Variants in SDK1 observed in about 807,000 individuals in gnomAD.
SDK1 encodes sidekick cell adhesion molecule 1.
SDK1 carries 157 observed loss-of-function variants against 245.5 expected under a neutral mutation model. That is an observed-to-expected ratio of 0.64 (90% CI 0.56 to 0.73). The LOEUF (loss-of-function observed/expected upper bound fraction) is 0.73. SDK1 is among the 30% of genes least tolerant of loss of function. The probability of loss-of-function intolerance (pLI) is 0.00; values close to 1 mark genes in which losing one functional copy is unlikely to be tolerated. For missense variants in SDK1, 3,583 were observed against 3,002.3 expected (o/e 1.19, Z -4.52); for synonymous variants, 1,647 against 1,278.5 (o/e 1.29, Z -6.15).
At chr7:3,488,897 C>A (rs1437730925) in intron 1 of SDK1, among the ~76,000 whole-genome samples, 1 of 141,938 alleles carries the variant, frequency 7.0e-6, no homozygotes, top group East Asian at 2.2e-4. Context: ...CCCTTCATTC[C>A]TCCCTCCGTG....
At chr7:4,213,499 G>T (rs1394411478) in intron 38 of SDK1, among the ~76,000 whole-genome samples, 1 of 151,912 alleles carries the variant, frequency 6.6e-6, no homozygotes, top group Non-Finnish European at 1.5e-5. Flanking sequence ...GCAGGAGAAT[G>T]GGTTGAACCC....
At chr7:3,455,285 T>A (rs1243180865) in intron 1 of SDK1, among the ~76,000 whole-genome samples, 1 of 152,032 alleles carries the variant, frequency 6.6e-6, no homozygotes, top group Non-Finnish European at 1.5e-5. Context: ...AATTTTAAAT[T>A]TTGATAGATC....
chr7:4,208,278 C>G lies in SDK1; in HGVS notation c.5394C>G (p.His1798Gln). Reference sequence around the variant, plus strand: ...GTGACCCCCAGCAGGGGCGCACCCACCAGGCCGGTAGGAGGAAGGCGGGTT... The same window carrying G: ...GTGACCCCCAGCAGGGGCGCACCCAGCAGGCCGGTAGGAGGAAGGCGGGTT... ...PKSDPQQGRT[H>Q]QAAPGAPSFL... Residue 1798 changes from histidine to glutamine, a missense_variant, in exon 37 of 45, where the codon CAC becomes CAG. Transcript: ENST00000404826. 6.2e-7 allele frequency: 1 copy of G among 1,612,644 alleles called. No homozygotes were observed. Among genetic ancestry groups the G allele is most frequent in the Non-Finnish European group, 8.5e-7 (1 of 1,179,632 alleles).
At chr7:3,622,778 G>T (rs896597746) in intron 2 of SDK1, among the ~76,000 whole-genome samples, 2 of 152,182 alleles carry the variant, frequency 1.3e-5, no homozygotes, top group Non-Finnish European at 2.9e-5. Flanking sequence ...CATGGGAAAC[G>T]TAAGGAGGAA....
intron 4 of SDK1, among the ~76,000 whole-genome samples, chr7:3,782,667 A>G (rs952166063): frequency 2.0e-5 from 3 of 152,244 alleles, no homozygotes; most frequent in Non-Finnish European, 4.4e-5. Flanking sequence ...GGTATATTCA[A>G]AGTGCTGAAT....
intron 17 of SDK1, among the ~76,000 whole-genome samples, chr7:4,020,115 G>A (rs548439780): frequency 6.6e-6 from 1 of 152,166 alleles, no homozygotes; most frequent in Non-Finnish European, 1.5e-5. Flanking sequence ...TGACAGTCTC[G>A]GAGACGCCGG....
In SDK1 at chr7:4,067,064, T is replaced by G. The variant is rs191010434; in HGVS notation, c.2912-774T>G. 2.5e-3 allele frequency among the ~76,000 whole-genome samples: 377 copies of G among 152,296 alleles called. 3 individuals are homozygous for G. The highest frequency in any genetic ancestry group is 4.2e-3 in the Non-Finnish European group (286 of 68,006). On this transcript the variant is annotated intron_variant, in intron 19 of 44. Transcript: ENST00000404826. ...ATGGTGCCCGGGACATCCTCGTGTT[T>G]TCATGTTTTATTACAATTTATTCTT... is the stretch of plus-strand genomic sequence containing the variant.
intron 4 of SDK1, among the ~76,000 whole-genome samples, chr7:3,685,524 G>A (rs1360282483): frequency 6.6e-6 from 1 of 152,062 alleles, no homozygotes; most frequent in African/African-American, 2.4e-5. Flanking sequence ...AAAGAATGTT[G>A]GAGCGCAGAA....
intron 5 of SDK1, among the ~76,000 whole-genome samples, chr7:3,934,936 A>G (rs765194711): frequency 6.6e-6 from 1 of 152,180 alleles, no homozygotes; most frequent in African/African-American, 2.4e-5. Context: ...CCCCAGGGAG[A>G]CTGTGCAAAG....
Position 3,821,571 on chromosome 7 carries a change from T to C in SDK1, c.835T>C (p.Leu279=). Residue 279 remains leucine, a synonymous_variant, in exon 5 of 45, where the codon TTG becomes CTG. Coordinates refer to ENST00000404826, the MANE Select transcript of SDK1 (RefSeq NM_152744.4). ...GENKTSPFIH[L]SIARDVGTPE... ...AAACAAGACAAGCCCATTCATTCAT[T>C]TGAGCATAGCAAGTGAGTTTTGAAA... 2 of 1,613,522 alleles carry C rather than the reference T, an allele frequency of 1.2e-6. No homozygotes were observed. The highest frequency in any genetic ancestry group is 1.7e-6 in the Non-Finnish European group (2 of 1,179,778).
At chr7:3,483,007 C>T (rs750748588) in intron 1 of SDK1, among the ~76,000 whole-genome samples, 7 of 151,422 alleles carry the variant, frequency 4.6e-5, no homozygotes, top group Middle Eastern at 3.2e-3. Context: ...GTTAAAATCA[C>T]ACCAGTTTAA....
At chr7:3,454,921 G>A (rs1455252697) in intron 1 of SDK1, among the ~76,000 whole-genome samples, 1 of 152,184 alleles carries the variant, frequency 6.6e-6, no homozygotes, top group Non-Finnish European at 1.5e-5. Context: ...ATTTTCCAGA[G>A]TGACTGTACC....
intron 5 of SDK1, among the ~76,000 whole-genome samples, chr7:3,867,054 G>T (rs146627314): frequency 6.6e-6 from 1 of 152,176 alleles, no homozygotes; most frequent in Non-Finnish European, 1.5e-5. Flanking sequence ...ATGAGTGGGC[G>T]CAGGCCTTCA....
intron 4 of SDK1, among the ~76,000 whole-genome samples, chr7:3,695,681 A>T (rs1222628463): frequency 4.6e-5 from 7 of 152,204 alleles, no homozygotes; most frequent in Non-Finnish European, 1.0e-4. Context: ...TTTCAACTCA[A>T]CACAGTTAAT....
chr7:3,462,631 T>C (rs1780868652), intron 1 of SDK1, among the ~76,000 whole-genome samples: 1 of 152,156 alleles, frequency 6.6e-6, no homozygotes, highest in Non-Finnish European at 1.5e-5. Flanking sequence ...ATCTACCTAG[T>C]CCAGCTGTAC....
chr7:3,957,089 C>G (rs138314969), intron 7 of SDK1, among the ~76,000 whole-genome samples: 52 of 152,302 alleles, frequency 3.4e-4, no homozygotes, highest in African/African-American at 1.2e-3. Flanking sequence ...GCAAAAGTTA[C>G]ACTCGATGAC....
At chr7:3,550,113 C>T (rs1171170148) in intron 1 of SDK1, among the ~76,000 whole-genome samples, 1 of 152,054 alleles carries the variant, frequency 6.6e-6, no homozygotes, top group Non-Finnish European at 1.5e-5. Flanking sequence ...GGCATGCATG[C>T]ATACATATTT....
intron 1 of SDK1, among the ~76,000 whole-genome samples, chr7:3,372,765 A>G (rs964042387): frequency 6.6e-6 from 1 of 152,226 alleles, no homozygotes; most frequent in South Asian, 2.1e-4. Flanking sequence ...AAGAGAGCAC[A>G]CAGTGTAGGA....
intron 1 of SDK1, among the ~76,000 whole-genome samples, chr7:3,530,807 C>T (rs900410387): frequency 2.6e-5 from 4 of 152,192 alleles, no homozygotes; most frequent in African/African-American, 4.8e-5. Flanking sequence ...TGAATTTCAT[C>T]TGTGAAACAA....
Sources: allele counts gnomAD v4.1 joint callset (sites outside exome capture counted in the v4.1 genomes callset), GRCh38; gene constraint gnomAD v4.1.1; transcripts MANE v1.5; gene names NCBI Gene and HGNC (gene_info 2026-07-23, HGNC 2026-07-21).